Variants in PIK3C2G observed in about 807,000 individuals in gnomAD.
PIK3C2G encodes phosphatidylinositol 3-kinase C2 domain-containing subunit gamma.
PIK3C2G carries 168 observed loss-of-function variants against 181.1 expected under a neutral mutation model. The observed-to-expected ratio is 0.93, with a 90% CI of 0.82 to 1.05. The LOEUF (loss-of-function observed/expected upper bound fraction) is 1.05. Among genes scored for constraint, PIK3C2G ranks in the 50% least tolerant of loss-of-function variants. The pLI, the probability that PIK3C2G is intolerant of heterozygous loss-of-function variation, is 0.00. For synonymous variants in PIK3C2G, 573 were observed against 592.2 expected (o/e 0.97, Z 0.47); for missense variants, 1,869 against 1,732.8 (o/e 1.08, Z -1.40).
the PIK3C2G span, chr12:18,684,087 T>A: frequency 1.2e-5 from 20 of 1,600,206 alleles, no homozygotes; most frequent in Admixed American, 1.0e-4. Flanking sequence ...ACACAAGTTA[T>A]ATTTAAATGC....
At chr12:18,403,959 T>C (rs1370765929) in intron 16 of PIK3C2G, among the ~76,000 whole-genome samples, 2 of 152,192 alleles carry the variant, frequency 1.3e-5, no homozygotes, top group Non-Finnish European at 2.9e-5. Flanking sequence ...AGTATTCATT[T>C]AAAAATAGCA....
At chr12:18,650,756 ATATATATAT>A (rs1950474301), downstream of PIK3C2G, among the ~76,000 whole-genome samples, 9 of 103,506 alleles carry the variant, frequency 8.7e-5, no homozygotes, top group South Asian at 3.4e-4. Flanking sequence ...ATATATATAT[ATATATATAT>A]TCCAGTCCAT....
intron 11 of PIK3C2G, among the ~76,000 whole-genome samples, chr12:18,356,498 C>T (rs1940746136): frequency 6.6e-6 from 1 of 152,140 alleles, no homozygotes; most frequent in Admixed American, 6.5e-5. Context: ...TGTTACAGTA[C>T]ACTTTTAGCT....
At chr12:18,497,296 C>G (rs575063026) in intron 21 of PIK3C2G, among the ~76,000 whole-genome samples, 1 of 152,268 alleles carries the variant, frequency 6.6e-6, no homozygotes, top group East Asian at 1.9e-4. Context: ...AATAAACATT[C>G]ATCCAGCCTG....
chr12:18,386,516 A>G (rs967593388), intron 14 of PIK3C2G, among the ~76,000 whole-genome samples: 1 of 152,172 alleles, frequency 6.6e-6, no homozygotes, highest in Admixed American at 6.5e-5. Context: ...GGGGCATTTC[A>G]TTTAAATGGA....
the PIK3C2G span, among the ~76,000 whole-genome samples, chr12:18,660,141 A>G: frequency 6.6e-6 from 1 of 152,130 alleles, no homozygotes; most frequent in African/African-American, 2.4e-5. Flanking sequence ...TGCACCTTCC[A>G]GGAGAGGACC....
chr12:18,611,543 G>A (rs1330719996), intron 31 of PIK3C2G, among the ~76,000 whole-genome samples: 1 of 151,982 alleles, frequency 6.6e-6, no homozygotes, highest in African/African-American at 2.4e-5. Context: ...CTGAAATCCA[G>A]AGTTATATGT....
At chr12:18,722,698 A>G in the PIK3C2G span, among the ~76,000 whole-genome samples, 4 of 152,098 alleles carry the variant, frequency 2.6e-5, no homozygotes, top group Non-Finnish European at 5.9e-5. Flanking sequence ...AGATGGAACA[A>G]AGATCACAAA....
intron 26 of PIK3C2G, among the ~76,000 whole-genome samples, chr12:18,562,378 C>T (rs1357712581): frequency 6.6e-6 from 1 of 152,094 alleles, no homozygotes; most frequent in Non-Finnish European, 1.5e-5. Flanking sequence ...GTGATCCGCC[C>T]GCCTCGGCCT....
chr12:18,663,645 GA>G, the PIK3C2G span, among the ~76,000 whole-genome samples: 16 of 149,194 alleles, frequency 1.1e-4, no homozygotes, highest in African/African-American at 2.5e-4. Context: ...AAAACTCTTA[GA>G]AAAAAAAACA....
chr12:18,524,881 C>A (rs1344477839), intron 24 of PIK3C2G, among the ~76,000 whole-genome samples: 1 of 151,778 alleles, frequency 6.6e-6, no homozygotes, highest in African/African-American at 2.4e-5. Context: ...CCTCAGTTTT[C>A]TTGTTTAAAA....
At chr12:18,356,520 G>A (rs999531756) in intron 11 of PIK3C2G, among the ~76,000 whole-genome samples, 3 of 152,040 alleles carry the variant, frequency 2.0e-5, no homozygotes, top group Non-Finnish European at 4.4e-5. Context: ...TGCCATCCAC[G>A]GACAGCTTAA....
At chr12:18,579,160 C>G (rs184414359) in intron 29 of PIK3C2G, among the ~76,000 whole-genome samples, 1 of 151,886 alleles carries the variant, frequency 6.6e-6, no homozygotes, top group East Asian at 1.9e-4. Context: ...TGGTTGCAGA[C>G]AAGAAATTAG....
chr12:18,388,332 G>C (rs894903171), intron 14 of PIK3C2G, among the ~76,000 whole-genome samples: 1 of 152,026 alleles, frequency 6.6e-6, no homozygotes, highest in African/African-American at 2.4e-5. Context: ...GGGCAGTGGC[G>C]TGACCTCAGC....
intron 18 of PIK3C2G, among the ~76,000 whole-genome samples, chr12:18,430,079 A>G (rs1946069061): frequency 6.6e-6 from 1 of 152,188 alleles, no homozygotes; most frequent in Non-Finnish European, 1.5e-5. Context: ...TTTCCTGAAG[A>G]GCACTTCTTC....
intron 1 of PIK3C2G, among the ~76,000 whole-genome samples, chr12:18,252,116 AT>A (rs1263773256): frequency 6.6e-6 from 1 of 152,150 alleles, no homozygotes; most frequent in Non-Finnish European, 1.5e-5. Context: ...TCATATCAAT[AT>A]TTTTACTTCT....
chr12:18,699,970 A>G, the PIK3C2G span: 2 of 1,597,998 alleles, frequency 1.3e-6, no homozygotes, highest in Admixed American at 3.4e-5. Flanking sequence ...AAATGCAGTA[A>G]TTTTACATTT....
At chr12:18,426,587 T>A (rs941547266) in intron 18 of PIK3C2G, among the ~76,000 whole-genome samples, 3 of 152,194 alleles carry the variant, frequency 2.0e-5, no homozygotes, top group African/African-American at 7.2e-5. Context: ...AAGGATAAAA[T>A]TAGATCTATG....
intron 24 of PIK3C2G, among the ~76,000 whole-genome samples, chr12:18,521,678 G>A (rs74068047): frequency 0.056 from 8,546 of 152,240 alleles, 364 homozygotes; most frequent in African/African-American, 0.11. Flanking sequence ...CCCATCCCCC[G>A]CCCTGGGATC....
Sources: allele counts gnomAD v4.1 joint callset (sites outside exome capture counted in the v4.1 genomes callset), GRCh38; gene constraint gnomAD v4.1.1; transcripts MANE v1.5; gene names NCBI Gene and HGNC (gene_info 2026-07-23, HGNC 2026-07-21).